TMSB15B: variants seen among roughly 807,000 people sequenced by gnomAD.
TMSB15B encodes the protein thymosin beta-15B.
At chrX:103,929,847 T>A (rs1484685479) in intron 1 of TMSB15B, among the ~76,000 whole-genome samples, 2 of 110,835 alleles carry the variant, frequency 1.8e-5, no homozygotes, top group Non-Finnish European at 3.8e-5. Flanking sequence ...TGCATATTTT[T>A]AAAAATTATT....
intron 1 of TMSB15B, chrX:103,932,108 T>A (rs2074986350): frequency 8.9e-6 from 1 of 111,863 alleles, no homozygotes; most frequent in Admixed American, 9.5e-5. Flanking sequence ...AATAAACTGG[T>A]CAACGTTAGG....
intron 1 of TMSB15B, among the ~76,000 whole-genome samples, chrX:103,927,261 G>A (rs1228859026): frequency 1.8e-5 from 2 of 111,811 alleles, no homozygotes; most frequent in Non-Finnish European, 3.8e-5. Context: ...GTCACCACAG[G>A]TGCTACCAGC....
intron 1 of TMSB15B, among the ~76,000 whole-genome samples, chrX:103,942,175 A>AC (rs2075014277): frequency 8.9e-6 from 1 of 111,937 alleles, no homozygotes; most frequent in Non-Finnish European, 1.9e-5. Flanking sequence ...TTTTCAATGA[A>AC]ATCGTTCTAT....
chrX:103,928,544 G>C, intron 1 of TMSB15B: 4 of 1,186,835 alleles, frequency 3.4e-6, no homozygotes, highest in Non-Finnish European at 4.6e-6. Flanking sequence ...AAGCAAGCTC[G>C]CTTACCCAGC....
intron 1 of TMSB15B, among the ~76,000 whole-genome samples, chrX:103,937,958 T>C (rs2147821208): frequency 8.9e-6 from 1 of 112,070 alleles, no homozygotes; most frequent in South Asian, 3.7e-4. Context: ...GGTTGTTCAG[T>C]TTCCATGTAG....
intron 1 of TMSB15B, among the ~76,000 whole-genome samples, chrX:103,924,128 A>G (rs1480331346): frequency 2.7e-5 from 3 of 111,500 alleles, no homozygotes; most frequent in African/African-American, 9.8e-5. Flanking sequence ...CTAGGAAGTG[A>G]CAGAGTGAAA....
At chrX:103,935,730 G>T (rs782771033) in intron 1 of TMSB15B, among the ~76,000 whole-genome samples, 2 of 110,815 alleles carry the variant, frequency 1.8e-5, no homozygotes, top group Admixed American at 1.9e-4. Context: ...ATGCTGTTTT[G>T]GTTACTGTGG....
chrX:103,938,444 G>T (rs1302270646), intron 1 of TMSB15B, among the ~76,000 whole-genome samples: 1 of 111,360 alleles, frequency 9.0e-6, no homozygotes, highest in Admixed American at 9.5e-5. Context: ...ATCTTTGTTG[G>T]TTTAAAGTCT....
chrX:103,927,365 A>T (rs1483885292), intron 1 of TMSB15B, among the ~76,000 whole-genome samples: 1 of 112,464 alleles, frequency 8.9e-6, no homozygotes, highest in African/African-American at 3.2e-5. Flanking sequence ...AAATGTCAAT[A>T]GCACTGAATT....
chrX:103,920,693 C>T (rs1419319782), intron 1 of TMSB15B, among the ~76,000 whole-genome samples: 2 of 112,505 alleles, frequency 1.8e-5, no homozygotes, highest in Admixed American at 1.9e-4. Flanking sequence ...AGAAATCAAA[C>T]CCCATTTAAC....
chrX:103,920,311 T>C (rs1314661523), intron 1 of TMSB15B, among the ~76,000 whole-genome samples: 1 of 111,646 alleles, frequency 9.0e-6, no homozygotes, highest in East Asian at 2.8e-4. Flanking sequence ...TTGTTATAAA[T>C]GCAGATTCCT....
At chrX:103,930,737 A>G (rs1443427245) in intron 1 of TMSB15B, among the ~76,000 whole-genome samples, 11 of 103,267 alleles carry the variant, frequency 1.1e-4, no homozygotes, top group Middle Eastern at 4.9e-3. Flanking sequence ...TAATAATAAT[A>G]ATAATAATAA....
chrX:103,953,331 A>C (rs1556328623), intron 1 of TMSB15B, among the ~76,000 whole-genome samples: 1 of 111,977 alleles, frequency 8.9e-6, no homozygotes, highest in Admixed American at 9.4e-5. Context: ...AACTCTGGCT[A>C]TCCGGGCATC....
intron 1 of TMSB15B, among the ~76,000 whole-genome samples, chrX:103,930,761 AATAAT>A (rs2074982891): frequency 6.5e-5 from 7 of 106,947 alleles, no homozygotes; most frequent in African/African-American, 1.4e-4. Context: ...TAATAATAAT[AATAAT>A]AAATTACTTT....
intron 1 of TMSB15B, among the ~76,000 whole-genome samples, chrX:103,941,299 G>T (rs1175438624): frequency 1.8e-5 from 2 of 112,162 alleles, no homozygotes; most frequent in African/African-American, 6.5e-5. Flanking sequence ...GAATAGTGCT[G>T]CAATAAACAT....
chrX:103,950,319 T>C (rs1275492035), intron 1 of TMSB15B, among the ~76,000 whole-genome samples: 1 of 111,176 alleles, frequency 9.0e-6, no homozygotes, highest in Non-Finnish European at 1.9e-5. Flanking sequence ...ATAGTGAGTA[T>C]GGCTTGTTTG....
chrX:103,935,574 C>T (rs782121112), intron 1 of TMSB15B, among the ~76,000 whole-genome samples: 61 of 111,241 alleles, frequency 5.5e-4, no homozygotes, highest in African/African-American at 1.9e-3. Flanking sequence ...AGCTTGTTTT[C>T]CCAACACCAT....
chrX:103,950,926 C>T (rs2075037575), intron 1 of TMSB15B, among the ~76,000 whole-genome samples: 1 of 111,009 alleles, frequency 9.0e-6, no homozygotes, highest in East Asian at 2.8e-4. Context: ...CTTTAGAGTG[C>T]AGTCTGGAAA....
chrX:103,935,205 T>C (rs185417498), intron 1 of TMSB15B, among the ~76,000 whole-genome samples: 1 of 112,131 alleles, frequency 8.9e-6, no homozygotes, highest in East Asian at 2.8e-4. Flanking sequence ...TTTTTTCTTA[T>C]ACATTTGTTT....
Sources: gnomAD v4.1 joint callset for allele counts (sites outside exome capture counted in the v4.1 genomes callset) on GRCh38, gnomAD v4.1.1 for gene constraint, MANE v1.5 for transcripts, NCBI Gene and HGNC (gene_info 2026-07-23, HGNC 2026-07-21) for gene names.